Variants in SYT15 observed in about 807,000 individuals in gnomAD.
SYT15 encodes the protein synaptotagmin-15.
In SYT15, 4 loss-of-function variants were observed where a neutral mutation model predicts 30.1. That is an observed-to-expected ratio of 0.13 (90% CI 0.07 to 0.30). The LOEUF is 0.30. Ranked by LOEUF, SYT15 falls within the 10% of genes least tolerant of loss-of-function variation. The pLI, the probability that SYT15 is intolerant of heterozygous loss-of-function variation, is 1.00. For synonymous variants in SYT15, 19 were observed against 166.3 expected (o/e 0.11, Z 6.82); for missense variants, 49 against 371.7 (o/e 0.13, Z 7.14).
chr10:46,586,391 A>G (rs1844931998), intron 7 of SYT15, among the ~76,000 whole-genome samples: 1 of 124,374 alleles, frequency 8.0e-6, no homozygotes, highest in Non-Finnish European at 1.6e-5. Context: ...CTAAAAATAC[A>G]AAAAATTAGC....
intron 2 of SYT15, 98 bp from the exon 3 acceptor site, chr10:46,580,796 T>C: frequency 1.2e-6 from 1 of 827,972 alleles, no homozygotes; most frequent in Non-Finnish European, 1.8e-6. Context: ...CGATGGCTTT[T>C]CTTCCTCCAG....
downstream of SYT15, chr10:46,596,909 G>C (rs1324362978): frequency 2.6e-5 from 9 of 343,596 alleles, no homozygotes; most frequent in Admixed American, 7.9e-5. Flanking sequence ...GCTGAACAGA[G>C]CCTATTTTTA....
downstream of SYT15, among the ~76,000 whole-genome samples, chr10:46,592,555 GGTTTTTTTGT>G (rs1845497248): frequency 1.0e-5 from 1 of 98,710 alleles, no homozygotes; most frequent in African/African-American, 4.2e-5. Context: ...AATTTTCTCA[GGTTTTTTTGT>G]GTTTTTTTGT....
chr10:46,594,528 C>T (rs1214519149), downstream of SYT15, among the ~76,000 whole-genome samples: 2 of 140,852 alleles, frequency 1.4e-5, 1 homozygote, highest in Non-Finnish European at 3.0e-5. Flanking sequence ...CTGTGTCTCC[C>T]TTCTACATGA....
At chr10:46,595,098 G>T (rs1377540823), downstream of SYT15, among the ~76,000 whole-genome samples, 3 of 128,060 alleles carry the variant, frequency 2.3e-5, no homozygotes, top group Non-Finnish European at 4.8e-5. Context: ...TCTGTGGGTT[G>T]GCTGGAGGTG....
chr10:46,585,918 GA>G, intron 7 of SYT15, 141 bp downstream of exon 7: 3 of 414,998 alleles, frequency 7.2e-6, no homozygotes, highest in Non-Finnish European at 8.2e-6. Flanking sequence ...CTAGTGCTCA[GA>G]AAGGCTGAAA....
At chr10:46,596,162 A>G (rs1201984459), downstream of SYT15, 5 of 147,860 alleles carry the variant, frequency 3.4e-5, no homozygotes, top group African/African-American at 1.3e-4. Context: ...ACCAAGGAGG[A>G]ACCCCCCTAC....
chr10:46,590,965 TTG>T lies in SYT15; in HGVS notation c.*3327_*3328del, dbSNP rs1430323977. The T allele has an allele frequency of 7.0e-6, 1 of 143,640 alleles. No homozygotes were observed. The highest frequency in any genetic ancestry group is 1.5e-5 in the Non-Finnish European group (1 of 66,208). 8.9% of individuals were successfully genotyped at this position (143,640 alleles called of 1,614,324 possible). On this transcript the variant is annotated 3_prime_UTR_variant, in exon 8 of 8. Transcript: ENST00000374321. ...AGAAACCAGCAGGGTGTGTACACTT[TTG>T]TGTGTGTGCGCAGGTTTATACACAT...
At chr10:46,595,158 A>C (rs1589028287), downstream of SYT15, among the ~76,000 whole-genome samples, 2 of 130,420 alleles carry the variant, frequency 1.5e-5, 1 homozygote, top group African/African-American at 6.4e-5. Context: ...TTAGGGTTTC[A>C]CTCTTGTTGC....
intron 7 of SYT15, among the ~76,000 whole-genome samples, chr10:46,586,622 G>A (rs1343948831): frequency 7.1e-6 from 1 of 141,042 alleles, no homozygotes; most frequent in Non-Finnish European, 1.5e-5. Context: ...CGAGAGGGGT[G>A]GATCACGACG....
At chr10:46,593,056 A>G (rs1845522308), downstream of SYT15, among the ~76,000 whole-genome samples, 1 of 98,906 alleles carries the variant, frequency 1.0e-5, no homozygotes, top group South Asian at 4.5e-4. Context: ...GTAATGTGTC[A>G]GTAACATGCA....
downstream of SYT15, among the ~76,000 whole-genome samples, chr10:46,595,532 CT>C (rs1845649175): frequency 1.4e-5 from 2 of 139,708 alleles, no homozygotes; most frequent in Admixed American, 1.4e-4. Context: ...CCAGGCTGAT[CT>C]CGAACTCCCG....
downstream of SYT15, chr10:46,593,393 C>A (rs1460453089): frequency 6.9e-6 from 1 of 144,222 alleles, no homozygotes; most frequent in Non-Finnish European, 1.5e-5. Context: ...AAGTTTGAGA[C>A]CAACCTGGCC....
At chr10:46,596,164 C>G (rs1258748908), downstream of SYT15, 1 of 148,120 alleles carries the variant, frequency 6.8e-6, no homozygotes, top group Non-Finnish European at 1.5e-5. Context: ...CAAGGAGGAA[C>G]CCCCCTACTG....
chr10:46,586,329 G>C (rs1201277519), intron 7 of SYT15, among the ~76,000 whole-genome samples: 1 of 131,916 alleles, frequency 7.6e-6, no homozygotes, highest in Non-Finnish European at 1.6e-5. Flanking sequence ...GGCAGATCAC[G>C]AGGTCAGGAG....
At position 46,591,714 on chromosome 10, in the gene SYT15, A is replaced by G. The variant is rs1254170261; in HGVS notation, c.*4067A>G. ...TTCTATAAATTACTGAGAGAGGATA[A>G]AGCCTGCCACTGTTATTATGAATTT... On this transcript the variant is annotated 3_prime_UTR_variant, in exon 8 of 8. Coordinates refer to ENST00000374321, the MANE Select transcript of SYT15 (RefSeq NM_031912.5). 1 of 142,094 alleles carries G rather than the reference A, an allele frequency of 7.0e-6. No homozygotes were observed. The highest frequency in any genetic ancestry group is 1.5e-5 in the Non-Finnish European group (1 of 65,812). The allele number at this position is 142,094 out of a possible 1,614,324, so 8.8% of individuals were successfully genotyped here.
rs2133458495 is a variant in SYT15, at chr10:46,590,735, T to C, written c.*3088T>C. 7.1e-6 allele frequency: 1 copy of C among 139,960 alleles called. No individual in the cohort carries two copies. Among genetic ancestry groups the C allele is most frequent in the East Asian group, 2.0e-4 (1 of 4,884 alleles). The allele number at this position is 139,960 out of a possible 1,614,324, so 8.7% of individuals were successfully genotyped here. A position where few individuals can be genotyped will look rare whatever the true frequency, so the allele number is the denominator to read the frequency against. ...CAATATTCACCATGAAGTTTGATGG[T>C]TGTTATAGGATTTTTAATGTACTCA... On this transcript the variant is annotated 3_prime_UTR_variant, in exon 8 of 8. Coordinates refer to ENST00000374321, the MANE Select transcript of SYT15 (RefSeq NM_031912.5).
At position 46,580,823 on chromosome 10, in the gene SYT15, G is replaced by T. The variant is rs370327978; in HGVS notation, c.213-71G>T. ...TTCCTCCAGCCCCTGGTGCTCAACC[G>T]TCCTGGCTGAGCGCTCTGAGACCAC... On this transcript the variant is annotated intron_variant, in intron 2 of 7. Coordinates refer to ENST00000374321, the MANE Select transcript of SYT15 (RefSeq NM_031912.5). 1.4e-5 allele frequency: 18 copies of T among 1,318,430 alleles called. 2 individuals carry two copies. In the African/African-American group the frequency reaches 2.7e-4, roughly 20 times the overall value. The allele number at this position is 1,318,430 out of a possible 1,614,324, so 81.7% of individuals were successfully genotyped here.
At chr10:46,597,065 G>A (rs1296168296), downstream of SYT15, among the ~76,000 whole-genome samples, 2 of 142,358 alleles carry the variant, frequency 1.4e-5, no homozygotes, top group Admixed American at 6.9e-5. Flanking sequence ...GTTTGAATTG[G>A]TAAATAGAAA....
Sources: allele counts gnomAD v4.1 joint callset (sites outside exome capture counted in the v4.1 genomes callset), GRCh38; gene constraint gnomAD v4.1.1; transcripts MANE v1.5; gene names NCBI Gene and HGNC (gene_info 2026-07-23, HGNC 2026-07-21).